DGKI: variants seen among roughly 807,000 people sequenced by gnomAD.
DGKI encodes the protein diacylglycerol kinase iota.
A neutral mutation model predicts 147.5 loss-of-function variants in DGKI; 55 were observed. The observed-to-expected ratio is 0.37, with a 90% CI of 0.30 to 0.47. The LOEUF (loss-of-function observed/expected upper bound fraction) is 0.47. Among genes scored for constraint, DGKI ranks in the 20% least tolerant of loss-of-function variants. The pLI is 1.00. For synonymous variants in DGKI, 469 were observed against 477.1 expected (o/e 0.98, Z 0.22); for missense variants, 1,007 against 1,323.8 (o/e 0.76, Z 3.71).
At chr7:137,590,308 T>G (rs706560) in intron 12 of DGKI, among the ~76,000 whole-genome samples, 15,930 of 152,208 alleles carry the variant, frequency 0.1, 2,133 homozygotes, top group African/African-American at 0.31. Context: ...GGACGTACTA[T>G]GGCTGAAAGA....
rs1300212183 is a variant in DGKI at position 137,690,802 on chromosome 7, G to A, written c.402-800C>T. Among the ~76,000 whole-genome samples, 5 of 152,080 alleles carry A rather than the reference G, an allele frequency of 3.3e-5. No homozygotes were observed. In the East Asian group the frequency reaches 5.8e-4, roughly 18 times the overall value. On this transcript the variant is annotated intron_variant, in intron 1 of 32. Coordinates refer to ENST00000614521, the MANE Select transcript of DGKI (RefSeq NM_001321708.2). The stretch of plus-strand genomic sequence containing the variant: ...CAAATATGATCATTGCTGAGCAAAG[G>A]GAAGGGAAGAACGGTTAGAGCATAG...
intron 23 of DGKI, among the ~76,000 whole-genome samples, chr7:137,470,536 T>C (rs1181560070): frequency 6.6e-6 from 1 of 152,138 alleles, no homozygotes; most frequent in African/African-American, 2.4e-5. Flanking sequence ...GCTGATCTTG[T>C]TACATCTATT....
chr7:137,731,472 C>A (rs1239489574), intron 1 of DGKI, among the ~76,000 whole-genome samples: 1 of 152,044 alleles, frequency 6.6e-6, no homozygotes, highest in East Asian at 1.9e-4. Flanking sequence ...TAACAAATGG[C>A]AGCTTTTATC....
intron 21 of DGKI, among the ~76,000 whole-genome samples, chr7:137,506,854 TACAG>T (rs939992696): frequency 6.6e-6 from 1 of 152,224 alleles, no homozygotes; most frequent in Admixed American, 6.5e-5. Context: ...CTGAGTTTTC[TACAG>T]ACAGATACTT....
Position 137,466,918 on chromosome 7 carries a change from C to A in DGKI, c.2468G>T (p.Arg823Leu), listed in dbSNP as rs762474967. The part of the protein sequence containing the change: ...LDATSADRFY[R>L]IDRSQEHLHF... ...AAAACTTACCTGAGATCTGTCTATTCGATAAAAGCGATCAGCAGAAGTTGC... is the reference window on the plus strand; with the variant it reads ...AAAACTTACCTGAGATCTGTCTATTAGATAAAAGCGATCAGCAGAAGTTGC... Residue 823 changes from arginine to leucine, a missense_variant, in exon 25 of 33, where the codon CGA becomes CTA. By Grantham distance (102) the Arg-to-Leu change is moderately radical. Transcript: ENST00000614521. The A allele has an allele frequency of 1.1e-5, 18 of 1,613,946 alleles. No homozygotes were observed. The highest frequency in any genetic ancestry group is 1.4e-5 in the Non-Finnish European group (17 of 1,179,968).
chr7:137,528,823 G>T (rs557376372), intron 20 of DGKI, among the ~76,000 whole-genome samples: 1 of 152,052 alleles, frequency 6.6e-6, no homozygotes, highest in Non-Finnish European at 1.5e-5. Context: ...CTTTGTTCAG[G>T]CTACCTTAAT....
intron 1 of DGKI, among the ~76,000 whole-genome samples, chr7:137,767,513 A>G (rs1350923066): frequency 6.7e-6 from 1 of 149,958 alleles, no homozygotes; most frequent in African/African-American, 2.5e-5. Flanking sequence ...AAGAGAAGAG[A>G]AGAGAAGAGA....
chr7:137,545,915 G>A (rs1278270122), intron 20 of DGKI: 2 of 702,548 alleles, frequency 2.8e-6, no homozygotes, highest in African/African-American at 1.7e-5. Context: ...GAAGGAGCCG[G>A]GGGGAGCAGA....
At chr7:137,632,866 T>C (rs574347647) in intron 6 of DGKI, among the ~76,000 whole-genome samples, 417 of 145,230 alleles carry the variant, frequency 2.9e-3, no homozygotes, top group Middle Eastern at 7.6e-3. Flanking sequence ...CTCAAATAAA[T>C]AAACAAACAA....
chr7:137,461,295 G>GT (rs1357412464), intron 27 of DGKI, among the ~76,000 whole-genome samples: 2 of 152,162 alleles, frequency 1.3e-5, no homozygotes, highest in Non-Finnish European at 2.9e-5. Context: ...AGGAGCCTCA[G>GT]TTTACTTATC....
chr7:137,685,850 A>G (rs1823397172), intron 2 of DGKI, among the ~76,000 whole-genome samples: 1 of 152,188 alleles, frequency 6.6e-6, no homozygotes. Flanking sequence ...TGGGATTAAA[A>G]CGGCATAAAT....
chr7:137,784,364 A>T (rs1360416478), intron 1 of DGKI, among the ~76,000 whole-genome samples: 1 of 152,170 alleles, frequency 6.6e-6, no homozygotes, highest in African/African-American at 2.4e-5. Flanking sequence ...AACAGCAGCT[A>T]AAAAAGACAA....
chr7:137,718,616 T>C (rs761314753), intron 1 of DGKI, among the ~76,000 whole-genome samples: 1 of 152,232 alleles, frequency 6.6e-6, no homozygotes, highest in Non-Finnish European at 1.5e-5. Context: ...GGCAGTCATT[T>C]GCTGGCACAT....
chr7:137,801,583 C>A (rs1298362874), intron 1 of DGKI, among the ~76,000 whole-genome samples: 2 of 152,132 alleles, frequency 1.3e-5, no homozygotes, highest in African/African-American at 4.8e-5. Flanking sequence ...TTCGGAGTGA[C>A]CTGATAGTAA....
At chr7:137,687,258 A>G (rs1038965327) in intron 2 of DGKI, among the ~76,000 whole-genome samples, 2 of 152,178 alleles carry the variant, frequency 1.3e-5, no homozygotes, top group African/African-American at 4.8e-5. Flanking sequence ...AGTTCCCCCT[A>G]CCTTTTTTAT....
At chr7:137,837,991 G>A (rs1043043476) in intron 1 of DGKI, among the ~76,000 whole-genome samples, 1 of 150,468 alleles carries the variant, frequency 6.6e-6, no homozygotes, top group East Asian at 1.9e-4. Flanking sequence ...ATTTAAAAGG[G>A]AGAAACTTTT....
At chr7:137,606,443 G>A (rs1434681144) in intron 10 of DGKI, among the ~76,000 whole-genome samples, 1 of 152,158 alleles carries the variant, frequency 6.6e-6, no homozygotes, top group Non-Finnish European at 1.5e-5. Flanking sequence ...TTAACAAAAA[G>A]TATCTATTTT....
chr7:137,820,084 T>C (rs1797854708), intron 1 of DGKI, among the ~76,000 whole-genome samples: 1 of 152,202 alleles, frequency 6.6e-6, no homozygotes, highest in Non-Finnish European at 1.5e-5. Context: ...GAAGGTGAGT[T>C]CTGTGAGGAC....
rs781580130 is a variant in DGKI, at chr7:137,846,161, T to TCTCACACACA, written c.401+300_401+301insTGTGTGTGAG. ...CTCTCTCTCTCTCTCTCTCTCTCTC[T>TCTCACACACA]CACACACACACACACACACACACAC... On this transcript the variant is annotated intron_variant, in intron 1 of 32. Transcript: ENST00000614521. This position sits in a 1 kb window ranked among gnomAD's most constrained non-coding sequence, Gnocchi z 4.0. Among the ~76,000 whole-genome samples the TCTCACACACA allele has an allele frequency of 4.6e-5, 5 of 108,220 alleles. No homozygotes were observed. Among genetic ancestry groups the TCTCACACACA allele is most frequent in the East Asian group, 5.6e-4 (2 of 3,570 alleles). 71.0% of individuals were successfully genotyped at this position (108,220 alleles called of 152,430 possible). A position where few individuals can be genotyped will look rare whatever the true frequency, so the allele number is the denominator to read the frequency against.
Sources: allele counts gnomAD v4.1 joint callset (sites outside exome capture counted in the v4.1 genomes callset), GRCh38; gene constraint gnomAD v4.1.1; non-coding constraint Gnocchi (gnomAD v3.1); transcripts MANE v1.5; gene names NCBI Gene and HGNC (gene_info 2026-07-23, HGNC 2026-07-21).